Variants in PHF14 observed in about 807,000 individuals in gnomAD.
PHF14 encodes PHD finger protein 14.
PHF14 carries 55 observed loss-of-function variants against 117.9 expected under a neutral mutation model. The ratio of observed to expected loss-of-function variants is 0.47; its 90% CI spans 0.38 to 0.58. PHF14 has a LOEUF of 0.58. Ranked by LOEUF, PHF14 falls within the 20% of genes least tolerant of loss-of-function variation. The pLI, the probability that PHF14 is intolerant of heterozygous loss-of-function variation, is 0.00. For missense variants in PHF14, 978 were observed against 1,122.2 expected, an observed-to-expected ratio of 0.87 and a Z score of 1.84; for synonymous variants, 409 against 368.6, an observed-to-expected ratio of 1.11 and a Z score of -1.26.
chr7:11,021,324 A>G (rs1636753), intron 5 of PHF14, among the ~76,000 whole-genome samples: 67,201 of 151,952 alleles, frequency 0.44, 16,835 homozygotes, highest in Non-Finnish European at 0.56. Flanking sequence ...ATTTGTCTTA[A>G]TTACAAAGTT....
intron 13 of PHF14, among the ~76,000 whole-genome samples, chr7:11,047,820 G>GGGAGGGAAAGAA (rs1344960810): frequency 8.1e-5 from 11 of 136,144 alleles, no homozygotes; most frequent in African/African-American, 1.9e-4. Flanking sequence ...GAGGGCAGGA[G>GGGAGGGAAAGAA]GGAGGGAAAG....
chr7:10,978,562 A>C (rs1339764389), intron 2 of PHF14, among the ~76,000 whole-genome samples: 1 of 152,184 alleles, frequency 6.6e-6, no homozygotes, highest in Non-Finnish European at 1.5e-5. Context: ...GGAAAAATAG[A>C]ATAAGGTCAA....
intron 7 of PHF14, among the ~76,000 whole-genome samples, chr7:11,034,780 C>G (rs115339842): frequency 6.6e-5 from 10 of 151,684 alleles, no homozygotes; most frequent in African/African-American, 2.2e-4. Flanking sequence ...AACTCCCAAC[C>G]TCAAGTGATC....
At chr7:11,146,059 C>T (rs903980692) in intron 17 of PHF14, among the ~76,000 whole-genome samples, 2 of 152,050 alleles carry the variant, frequency 1.3e-5, no homozygotes, top group African/African-American at 4.8e-5. Flanking sequence ...TCAAGACATT[C>T]TATTTTTTGA....
intron 16 of PHF14, among the ~76,000 whole-genome samples, chr7:11,098,266 T>C (rs1459663950): frequency 6.6e-6 from 1 of 152,200 alleles, no homozygotes. Context: ...GGGAACAGTT[T>C]TCTATTAAAA....
intron 17 of PHF14, among the ~76,000 whole-genome samples, chr7:11,146,191 A>T (rs1788545117): frequency 6.6e-6 from 1 of 152,140 alleles, no homozygotes; most frequent in African/African-American, 2.4e-5. Context: ...ATATTTTGAA[A>T]TACAATTTTT....
At chr7:10,975,041 A>G (rs1781812933) in intron 2 of PHF14, 96 bp downstream of exon 2, 3 of 701,812 alleles carry the variant, frequency 4.3e-6, no homozygotes, top group Non-Finnish European at 7.5e-6. Flanking sequence ...TGCCAATTTT[A>G]AGTGAAAGCA....
intron 17 of PHF14, among the ~76,000 whole-genome samples, chr7:11,157,378 C>A (rs1024616051): frequency 1.7e-5 from 2 of 118,312 alleles, no homozygotes; most frequent in Non-Finnish European, 3.3e-5. Flanking sequence ...TAAAGTCTGT[C>A]AATGGGTTAC....
intron 17 of PHF14, among the ~76,000 whole-genome samples, chr7:11,118,744 T>C (rs529382074): frequency 6.6e-6 from 1 of 151,970 alleles, no homozygotes; most frequent in South Asian, 2.1e-4. Flanking sequence ...ATTAATAGAA[T>C]TGGAATCAGT....
intron 4 of PHF14, among the ~76,000 whole-genome samples, chr7:10,991,076 C>T (rs1196771988): frequency 6.6e-6 from 1 of 152,106 alleles, no homozygotes; most frequent in Non-Finnish European, 1.5e-5. Flanking sequence ...CTGCAACCTC[C>T]ACCTCCCAGG....
chr7:10,994,017 A>G (rs978120212), intron 4 of PHF14, among the ~76,000 whole-genome samples: 2 of 152,046 alleles, frequency 1.3e-5, no homozygotes, highest in African/African-American at 2.4e-5. Context: ...TCAAAAAAAA[A>G]AAAAAAAAAG....
intron 17 of PHF14, among the ~76,000 whole-genome samples, chr7:11,158,903 TA>T (rs1788937301): frequency 6.6e-6 from 1 of 152,110 alleles, no homozygotes; most frequent in South Asian, 2.1e-4. Flanking sequence ...AAACAGTTTC[TA>T]AATTACCTAA....
intron 16 of PHF14, among the ~76,000 whole-genome samples, chr7:11,076,749 G>A (rs1480311414): frequency 2.0e-5 from 3 of 151,430 alleles, no homozygotes; most frequent in Non-Finnish European, 4.4e-5. Flanking sequence ...TGTATTTTTG[G>A]TAGAGATGGG....
intron 16 of PHF14, among the ~76,000 whole-genome samples, chr7:11,088,533 A>T (rs4720936): frequency 0.015 from 2,249 of 152,300 alleles, 47 homozygotes; most frequent in African/African-American, 0.052. Context: ...AATGTCTTTT[A>T]TAAATGTATT....
At chr7:10,986,686 T>C (rs6946317) in intron 3 of PHF14, among the ~76,000 whole-genome samples, 2,027 of 152,358 alleles carry the variant, frequency 0.013, 45 homozygotes, top group African/African-American at 0.046. Context: ...TTTCAGCCGT[T>C]AATCTTGCAG....
intron 13 of PHF14, among the ~76,000 whole-genome samples, chr7:11,044,265 G>A (rs1386219214): frequency 6.6e-6 from 1 of 151,924 alleles, no homozygotes; most frequent in Non-Finnish European, 1.5e-5. Context: ...TCAGTATCAT[G>A]CAGTATACCC....
At chr7:11,107,782 G>GT in intron 16 of PHF14, 1 of 871,320 alleles carries the variant, frequency 1.1e-6, no homozygotes, top group Non-Finnish European at 1.4e-6. Flanking sequence ...TTCTGAAAAA[G>GT]TTTTTTAAAA....
intron 17 of PHF14, among the ~76,000 whole-genome samples, chr7:11,118,841 C>A (rs966739135): frequency 6.6e-6 from 1 of 151,644 alleles, no homozygotes; most frequent in East Asian, 1.9e-4. Context: ...GTAAATTATT[C>A]CTTAAGCATC....
intron 16 of PHF14, among the ~76,000 whole-genome samples, chr7:11,088,090 A>C (rs1786488949): frequency 1.3e-5 from 2 of 152,156 alleles, no homozygotes; most frequent in South Asian, 4.1e-4. Flanking sequence ...CCGCTCTCGG[A>C]TATCAAAATC....
Sources: gnomAD v4.1 joint callset for allele counts (sites outside exome capture counted in the v4.1 genomes callset) on GRCh38, gnomAD v4.1.1 for gene constraint, MANE v1.5 for transcripts, NCBI Gene and HGNC (gene_info 2026-07-23, HGNC 2026-07-21) for gene names.